The following RIC8B variants were observed in gnomAD, a reference collection of about 807,000 sequenced individuals.
The protein encoded by RIC8B is chaperone Ric-8B.
In RIC8B, 16 loss-of-function variants were observed where a neutral mutation model predicts 57.5. The observed-to-expected ratio is 0.28, with a 90% CI of 0.19 to 0.42. The LOEUF (loss-of-function observed/expected upper bound fraction) is 0.42, where lower values mean the gene tolerates loss of function less well. Ranked by LOEUF, RIC8B falls within the 10% of genes least tolerant of loss-of-function variation. RIC8B has a pLI of 1.00. For missense variants in RIC8B, 481 were observed against 677.0 expected, an observed-to-expected ratio of 0.71 and a Z score of 3.21; for synonymous variants, 216 against 250.8, an observed-to-expected ratio of 0.86 and a Z score of 1.31.
intron 1 of RIC8B, among the ~76,000 whole-genome samples, chr12:106,783,561 C>T (rs1053008232): frequency 2.6e-5 from 4 of 152,256 alleles, no homozygotes; most frequent in African/African-American, 9.6e-5. Flanking sequence ...CTTCTTCCTC[C>T]ATGCCCCACC....
chr12:106,869,135 A>G (rs1433451781), intron 8 of RIC8B, among the ~76,000 whole-genome samples: 2 of 152,084 alleles, frequency 1.3e-5, no homozygotes, highest in Non-Finnish European at 2.9e-5. Context: ...AATGGGGGAA[A>G]AGTTTTAAAC....
intron 2 of RIC8B, among the ~76,000 whole-genome samples, chr12:106,800,558 A>G (rs1291341566): frequency 6.6e-6 from 1 of 152,196 alleles, no homozygotes; most frequent in African/African-American, 2.4e-5. Flanking sequence ...CGAAAGCCCC[A>G]TCTCCATATA....
At chr12:106,823,335 T>C in intron 3 of RIC8B, 1 of 410,454 alleles carries the variant, frequency 2.4e-6, no homozygotes, top group Non-Finnish European at 5.0e-6. Flanking sequence ...TCCAGGGATT[T>C]TGGTAGTTGT....
At chr12:106,842,914 C>CT in intron 5 of RIC8B, 97 bp downstream of exon 5, 1 of 730,918 alleles carries the variant, frequency 1.4e-6, no homozygotes, top group Non-Finnish European at 2.2e-6. Flanking sequence ...ATTTTTAAAT[C>CT]TAAGCTTTTT....
At chr12:106,811,291 G>A (rs146837103) in intron 2 of RIC8B, among the ~76,000 whole-genome samples, 1 of 152,124 alleles carries the variant, frequency 6.6e-6, no homozygotes, top group African/African-American at 2.4e-5. Flanking sequence ...TGACCCTAAC[G>A]TCCGAATTAT....
At chr12:106,835,192 A>G (rs1267615753) in intron 4 of RIC8B, among the ~76,000 whole-genome samples, 1 of 152,034 alleles carries the variant, frequency 6.6e-6, no homozygotes, top group Non-Finnish European at 1.5e-5. Flanking sequence ...CTCTGGTTTA[A>G]GGTCATTAGT....
intron 7 of RIC8B, among the ~76,000 whole-genome samples, chr12:106,857,004 T>C (rs757784166): frequency 9.2e-5 from 14 of 152,106 alleles, no homozygotes; most frequent in Non-Finnish European, 1.6e-4. Flanking sequence ...CTTGAATGTA[T>C]AGAAAAGAGA....
intron 6 of RIC8B, among the ~76,000 whole-genome samples, chr12:106,850,945 C>CA (rs1949444156): frequency 6.6e-6 from 1 of 152,084 alleles, no homozygotes; most frequent in Admixed American, 6.5e-5. Context: ...GTATGTATAA[C>CA]ACGAGATATT....
Position 106,867,621 on chromosome 12 carries a change from G to A in RIC8B, c.1452-3202G>A, listed in dbSNP as rs1004682506. 2.6e-5 allele frequency among the ~76,000 whole-genome samples: 4 copies of A among 152,124 alleles called. No homozygotes were observed. The highest frequency in any genetic ancestry group is 6.6e-5 in the Admixed American group (1 of 15,260). Reference sequence around the variant, plus strand: ...AGTAATCTATTTTATGAAATCTCACGTCTTTGTTGTCACAATGGCTATTAT... The same window carrying A: ...AGTAATCTATTTTATGAAATCTCACATCTTTGTTGTCACAATGGCTATTAT... On this transcript the variant is annotated intron_variant, in intron 8 of 9. Coordinates refer to ENST00000392837, the MANE Select transcript of RIC8B (RefSeq NM_001330145.2). This position sits in a 1 kb window ranked among gnomAD's most constrained non-coding sequence, Gnocchi z 4.3.
intron 8 of RIC8B, among the ~76,000 whole-genome samples, chr12:106,868,848 CTTTTTTTT>C (rs572218268): frequency 9.4e-5 from 8 of 85,540 alleles, no homozygotes; most frequent in African/African-American, 2.6e-4. Flanking sequence ...GAGGCCCAAG[CTTTTTTTT>C]TTTTTTTTTT....
intron 8 of RIC8B, among the ~76,000 whole-genome samples, chr12:106,866,936 T>G (rs1286954501): frequency 3.9e-5 from 6 of 152,198 alleles, no homozygotes; most frequent in African/African-American, 1.4e-4. Context: ...AGGTATAAGC[T>G]CCTTTGGTTT....
In RIC8B at chr12:106,778,539, A is replaced by G. The variant is rs1286228729; in HGVS notation, c.84+3710A>G. 1.3e-4 allele frequency among the ~76,000 whole-genome samples: 20 copies of G among 152,114 alleles called. 1 individual carries two copies. Among genetic ancestry groups the G allele is most frequent in the Non-Finnish European group, 2.1e-4 (14 of 68,018 alleles). ...CTATGTACTATGTATTATCCCAAGC[A>G]TTTTCACATTTCGTATGTCATCTTA... On this transcript the variant is annotated intron_variant, in intron 1 of 9. Coordinates refer to ENST00000392837, the MANE Select transcript of RIC8B (RefSeq NM_001330145.2).
intron 4 of RIC8B, among the ~76,000 whole-genome samples, chr12:106,838,013 G>A (rs2046695949): frequency 6.6e-6 from 1 of 152,114 alleles, no homozygotes. Flanking sequence ...ACAAAAAGCT[G>A]TACATAGTTA....
At chr12:106,849,121 T>G (rs540358216) in intron 6 of RIC8B, among the ~76,000 whole-genome samples, 1 of 151,954 alleles carries the variant, frequency 6.6e-6, no homozygotes, top group African/African-American at 2.4e-5. Context: ...GCTAAAAGAG[T>G]GTAATTGGAT....
chr12:106,880,276 T>C (rs1950863950), intron 9 of RIC8B, among the ~76,000 whole-genome samples: 1 of 152,208 alleles, frequency 6.6e-6, no homozygotes, highest in African/African-American at 2.4e-5. Flanking sequence ...TGTTTGACTC[T>C]TAGGTTTAGA....
chr12:106,881,520 G>T (rs1005302396), intron 9 of RIC8B, among the ~76,000 whole-genome samples: 2 of 151,784 alleles, frequency 1.3e-5, no homozygotes, highest in Admixed American at 1.3e-4. Context: ...CTACTGCAAG[G>T]AGCCTGTGGT....
chr12:106,789,819 G>A lies in RIC8B; in HGVS notation c.132+5775G>A, dbSNP rs146636474. On this transcript the variant is annotated intron_variant, in intron 2 of 9. Coordinates refer to ENST00000392837, the MANE Select transcript of RIC8B (RefSeq NM_001330145.2). The stretch of plus-strand genomic sequence containing the variant: ...ATGCCAGCAACTACTTAGTAACAGC[G>A]GGACATTTTTTGGTAAACTACATTG... 6.2e-4 allele frequency among the ~76,000 whole-genome samples: 95 copies of A among 152,026 alleles called. No homozygotes were observed. The East Asian group carries it at 8.1e-3, about 13-fold the overall frequency.
intron 7 of RIC8B, 150 bp from the exon 8 acceptor site, chr12:106,860,118 C>G: frequency 3.2e-6 from 2 of 620,000 alleles, no homozygotes; most frequent in Non-Finnish European, 5.0e-6. Flanking sequence ...GTAAGTAGTT[C>G]AGTATAACCA....
In RIC8B at chr12:106,790,060, T is replaced by G. The variant is rs866851922; in HGVS notation, c.132+6016T>G. On this transcript the variant is annotated intron_variant, in intron 2 of 9. Transcript: ENST00000392837. ...AAGATTTGCTTCTTACCGGTAGTGC[T>G]GTAAGTATGGTAAGAATATCACCAT... Among the ~76,000 whole-genome samples the G allele has an allele frequency of 5.3e-5, 8 of 152,340 alleles. No homozygotes were observed. The South Asian group carries it at 1.2e-3, about 24-fold the overall frequency.
Sources: gnomAD v4.1 joint callset for allele counts (sites outside exome capture counted in the v4.1 genomes callset) on GRCh38, gnomAD v4.1.1 for gene constraint, Gnocchi (gnomAD v3.1) non-coding constraint, MANE v1.5 for transcripts, NCBI Gene and HGNC (gene_info 2026-07-23, HGNC 2026-07-21) for gene names.